PARPBP: variants seen among roughly 807,000 people sequenced by gnomAD.
The protein encoded by PARPBP is PARP1 binding protein, also known as PCNA-interacting partner.
PARPBP carries 52 observed loss-of-function variants against 50.0 expected under a neutral mutation model. That is an observed-to-expected ratio of 1.04 (90% CI 0.83 to 1.31). The LOEUF (loss-of-function observed/expected upper bound fraction) is 1.31. PARPBP is among the 50% of genes most tolerant of loss of function. The pLI is 0.00. For missense variants in PARPBP, 697 were observed against 672.0 expected (o/e 1.04, Z -0.41); for synonymous variants, 244 against 232.1 (o/e 1.05, Z -0.47).
chr12:102,184,154 A>C (rs182290100), intron 9 of PARPBP, among the ~76,000 whole-genome samples: 6 of 149,838 alleles, frequency 4.0e-5, no homozygotes, highest in African/African-American at 1.5e-4. Context: ...GTTTTCTTTT[A>C]TTTTATTTAC....
intron 1 of PARPBP, among the ~76,000 whole-genome samples, chr12:102,122,986 C>T (rs1398938657): frequency 2.6e-5 from 4 of 152,168 alleles, no homozygotes; most frequent in African/African-American, 7.2e-5. Context: ...CCTTCTGATT[C>T]TGTGGATCAG....
At chr12:102,153,037 G>A (rs73384844) in intron 3 of PARPBP, among the ~76,000 whole-genome samples, 6,858 of 151,924 alleles carry the variant, frequency 0.045, 421 homozygotes, top group East Asian at 0.29. Context: ...GTTATAAGAC[G>A]TATTTTCCTT....
At chr12:102,135,354 C>T (rs1257089070) in intron 2 of PARPBP, among the ~76,000 whole-genome samples, 1 of 151,956 alleles carries the variant, frequency 6.6e-6, no homozygotes, top group East Asian at 1.9e-4. Context: ...ACCATTCTGG[C>T]TAACACGGTG....
chr12:102,176,633 C>T (rs538776019), intron 7 of PARPBP, among the ~76,000 whole-genome samples: 3 of 152,058 alleles, frequency 2.0e-5, no homozygotes, highest in Non-Finnish European at 4.4e-5. Flanking sequence ...TAGTATAGTT[C>T]GTTTATTGCA....
rs772762236 is a variant in PARPBP at position 102,148,262 on chromosome 12, T to C, written c.186T>C (p.Asp62=). The C allele has an allele frequency of 3.8e-6, 6 of 1,595,930 alleles. No homozygotes were observed. The highest frequency in any genetic ancestry group is 1.7e-4 in the Middle Eastern group (1 of 6,026). The change falls in exon 3 of 11, where the codon GAT becomes GAC. Residue 62 remains aspartate, a synonymous_variant. Transcript: ENST00000327680. Reference sequence around the variant, plus strand: ...GAGAATTTACAGTCTCTCTCAGTGATGTTTTATTGACATGGAAATACTTGC... The same window carrying C: ...GAGAATTTACAGTCTCTCTCAGTGACGTTTTATTGACATGGAAATACTTGC... ...HSGEFTVSLS[D]VLLTWKYLLH... is the part of the protein sequence containing the mutation.
chr12:102,146,446 G>C (rs893437066), intron 2 of PARPBP, among the ~76,000 whole-genome samples: 1 of 152,110 alleles, frequency 6.6e-6, no homozygotes, highest in African/African-American at 2.4e-5. Flanking sequence ...TGACAAACCT[G>C]AGAAAAACAA....
chr12:102,147,228 G>A (rs1051803910), intron 2 of PARPBP, among the ~76,000 whole-genome samples: 7 of 152,102 alleles, frequency 4.6e-5, no homozygotes, highest in Non-Finnish European at 7.4e-5. Flanking sequence ...ATATACCCAA[G>A]GGACTATAAA....
At chr12:102,161,634 A>T (rs1056748198) in intron 4 of PARPBP, among the ~76,000 whole-genome samples, 1 of 152,128 alleles carries the variant, frequency 6.6e-6, no homozygotes, top group Non-Finnish European at 1.5e-5. Context: ...ACGTTATCAG[A>T]AAGTGGCTAG....
At chr12:102,151,718 T>C in intron 3 of PARPBP, 1 of 1,535,660 alleles carries the variant, frequency 6.5e-7, no homozygotes, top group South Asian at 1.2e-5. Context: ...AGCTGGTCCC[T>C]AAACTTCAGA....
intron 2 of PARPBP, among the ~76,000 whole-genome samples, chr12:102,147,271 G>A (rs2138601171): frequency 6.6e-6 from 1 of 152,256 alleles, no homozygotes; most frequent in South Asian, 2.1e-4. Context: ...GCACACATAT[G>A]TTTATTCTGG....
intron 3 of PARPBP, chr12:102,151,809 A>G: frequency 4.6e-6 from 7 of 1,529,412 alleles, no homozygotes; most frequent in Non-Finnish European, 6.1e-6. Context: ...AAGTGAGACA[A>G]TGGGAAAGCC....
intron 2 of PARPBP, among the ~76,000 whole-genome samples, chr12:102,135,999 A>C (rs1167433838): frequency 6.6e-6 from 1 of 152,032 alleles, no homozygotes; most frequent in African/African-American, 2.4e-5. Flanking sequence ...GATCATCTTT[A>C]CCTTGATGTC....
At chr12:102,167,958 T>G (rs985370099) in intron 6 of PARPBP, among the ~76,000 whole-genome samples, 1 of 152,198 alleles carries the variant, frequency 6.6e-6, no homozygotes. Context: ...CAGTATTGCC[T>G]TCAATTTCTG....
intron 2 of PARPBP, among the ~76,000 whole-genome samples, chr12:102,128,552 C>T (rs1158725664): frequency 2.0e-5 from 3 of 152,154 alleles, no homozygotes; most frequent in Non-Finnish European, 4.4e-5. Context: ...CTTTTTAACA[C>T]ACCACTTGTA....
Position 102,182,572 on chromosome 12 carries a change from C to A in PARPBP, c.1208C>A (p.Ser403Ter), listed in dbSNP as rs557114331. ...LFRSPTQVNNSIKPLRERICV... is the reference protein window; with the variant it reads ...LFRSPTQVNN ...AGGTCTCCCACACAGGTGAATAATT[C>A]GATAAAACCCCTAAGAGAACGCATC... The change falls in exon 9 of 11, where the codon TCG becomes TAG. Residue 403 changes from serine (S) to a stop codon, truncating the protein, a stop_gained. Coordinates refer to ENST00000327680, the MANE Select transcript of PARPBP (RefSeq NM_017915.5). LOFTEE classifies it high-confidence loss of function. 2 of 1,605,584 alleles carry A rather than the reference C, an allele frequency of 1.2e-6. No homozygotes were observed. The highest frequency in any genetic ancestry group is 1.7e-6 in the Non-Finnish European group (2 of 1,176,032).
chr12:102,141,765 G>T (rs1278114001), intron 2 of PARPBP, among the ~76,000 whole-genome samples: 2 of 152,162 alleles, frequency 1.3e-5, no homozygotes, highest in Admixed American at 1.3e-4. Context: ...GGCTGGCTAT[G>T]AAATTCTGGG....
chr12:102,162,838 G>A (rs1419019249), intron 4 of PARPBP, among the ~76,000 whole-genome samples: 1 of 151,416 alleles, frequency 6.6e-6, no homozygotes, highest in African/African-American at 2.4e-5. Context: ...AAAAAAAAAA[G>A]GAATTTGATT....
intron 8 of PARPBP, 77 bp downstream of exon 8, chr12:102,178,847 G>A: frequency 2.4e-6 from 2 of 843,038 alleles, no homozygotes; most frequent in Non-Finnish European, 1.8e-6. Flanking sequence ...CTTATGGTAG[G>A]AAACTTAGAA....
At chr12:102,145,709 G>A (rs1269303228) in intron 2 of PARPBP, among the ~76,000 whole-genome samples, 1 of 152,124 alleles carries the variant, frequency 6.6e-6, no homozygotes, top group Non-Finnish European at 1.5e-5. Context: ...GGGATAGATA[G>A]AAATTCTGTC....
Sources: gnomAD v4.1 joint callset for allele counts (sites outside exome capture counted in the v4.1 genomes callset) on GRCh38, gnomAD v4.1.1 for gene constraint, MANE v1.5 for transcripts, NCBI Gene and HGNC (gene_info 2026-07-23, HGNC 2026-07-21) for gene names.